Variants in TAB1 observed in about 807,000 individuals in gnomAD.
The protein encoded by TAB1 is TGF-beta-activated kinase 1 and MAP3K7-binding protein 1.
TAB1 carries 30 observed loss-of-function variants against 54.5 expected under a neutral mutation model. The observed-to-expected ratio is 0.55, with a 90% CI of 0.41 to 0.75. The LOEUF is 0.75. Among genes scored for constraint, TAB1 ranks in the 30% least tolerant of loss-of-function variants. The pLI is 0.00. For missense variants in TAB1, 609 were observed against 683.2 expected, an observed-to-expected ratio of 0.89 and a Z score of 1.21; for synonymous variants, 289 against 286.9, an observed-to-expected ratio of 1.01 and a Z score of -0.07.
At chr22:39,419,163 TGAAA>T (rs1926962768) in intron 6 of TAB1, among the ~76,000 whole-genome samples, 1 of 152,236 alleles carries the variant, frequency 6.6e-6, no homozygotes, top group South Asian at 2.1e-4. Flanking sequence ...TGGTGGAGAC[TGAAA>T]GAGGCCAAAG....
chr22:39,427,001 C>A, intron 9 of TAB1, 76 bp downstream of exon 9: 1 of 1,441,432 alleles, frequency 6.9e-7, no homozygotes, highest in South Asian at 1.3e-5. Flanking sequence ...GCCCCCGAGG[C>A]TGCTTGAAAC....
chr22:39,431,719 G>T lies in TAB1; in HGVS notation c.*1497G>T. 1.0e-6 allele frequency: 1 copy of T among 985,478 alleles called. No individual in the cohort carries two copies. The highest frequency in any genetic ancestry group is 1.2e-6 in the Non-Finnish European group (1 of 829,974). 61.0% of individuals were successfully genotyped at this position (985,478 alleles called of 1,614,324 possible). ...CACTCCCCACTTTGAAGCCATCTCT[G>T]TTCTGCAGGTGAGAGGATTTAAAGT... On this transcript the variant is annotated 3_prime_UTR_variant, in exon 11 of 11. Coordinates refer to ENST00000216160, the MANE Select transcript of TAB1 (RefSeq NM_006116.3).
At chr22:39,422,411 T>C (rs1436364368) in intron 8 of TAB1, among the ~76,000 whole-genome samples, 7 of 140,608 alleles carry the variant, frequency 5.0e-5, no homozygotes, top group Admixed American at 2.1e-4. Context: ...TTTTTTTTTT[T>C]TTTTTTTTTT....
At chr22:39,423,805 ACTAAT>A (rs1356891271) in intron 8 of TAB1, among the ~76,000 whole-genome samples, 9 of 152,200 alleles carry the variant, frequency 5.9e-5, no homozygotes, top group African/African-American at 1.9e-4. Context: ...GTACATTGTA[ACTAAT>A]GTATAGTGTT....
At chr22:39,407,837 G>A (rs548131130) in intron 1 of TAB1, among the ~76,000 whole-genome samples, 1 of 152,156 alleles carries the variant, frequency 6.6e-6, no homozygotes, top group East Asian at 1.9e-4. Context: ...AGCCAGGATG[G>A]TCTCAATCTC....
At chr22:39,433,180 G>T (rs35129601), downstream of TAB1, 46 of 985,336 alleles carry the variant, frequency 4.7e-5, 1 homozygote, top group African/African-American at 7.7e-4. Flanking sequence ...GGCCGGGCGC[G>T]GTGGCTCAGG....
chr22:39,405,244 C>T (rs1182194295), intron 1 of TAB1, among the ~76,000 whole-genome samples: 1 of 152,158 alleles, frequency 6.6e-6, no homozygotes, highest in African/African-American at 2.4e-5. Context: ...ACATCATGCA[C>T]AGGGTGTTTG....
At position 39,431,120 on chromosome 22, in the gene TAB1, G is replaced by A; in HGVS notation, c.*898G>A. 1 of 985,966 alleles carries A rather than the reference G, an allele frequency of 1.0e-6. No individual in the cohort carries two copies. 61.1% of individuals were successfully genotyped at this position (985,966 alleles called of 1,614,324 possible). A position where few individuals can be genotyped will look rare whatever the true frequency, so the allele number is the denominator to read the frequency against. ...CGGCTGAGGGTAGCAAGCAGGGGTT[G>A]TGAGTCAGGCTGGGGGACTTGTTTG... is the stretch of plus-strand genomic sequence containing the variant. On this transcript the variant is annotated 3_prime_UTR_variant, in exon 11 of 11. Transcript: ENST00000216160.
intron 1 of TAB1, among the ~76,000 whole-genome samples, chr22:39,402,391 CTA>C (rs1281546320): frequency 1.3e-5 from 2 of 152,094 alleles, no homozygotes; most frequent in African/African-American, 4.8e-5. Flanking sequence ...TACTACAAGT[CTA>C]TGTGTTGAGG....
intron 8 of TAB1, 78 bp downstream of exon 8, chr22:39,422,049 C>G (rs1927114294): frequency 4.6e-6 from 6 of 1,294,750 alleles, no homozygotes; most frequent in Non-Finnish European, 6.1e-6. Context: ...TGCCTTCTAG[C>G]ACTGTGATTC....
At chr22:39,424,813 G>A (rs912819207) in intron 8 of TAB1, among the ~76,000 whole-genome samples, 16 of 152,082 alleles carry the variant, frequency 1.1e-4, no homozygotes, top group Non-Finnish European at 2.1e-4. Flanking sequence ...ATAACATAGA[G>A]GGACAGGGGC....
chr22:39,425,752 T>A (rs781059476), intron 8 of TAB1, among the ~76,000 whole-genome samples: 1 of 151,692 alleles, frequency 6.6e-6, no homozygotes, highest in Non-Finnish European at 1.5e-5. Context: ...TTCACCGTAT[T>A]AGCCAGGATG....
Position 39,426,902 on chromosome 22 carries a change from A to C in TAB1, c.1121A>C (p.Gln374Pro). 6.2e-7 allele frequency: 1 copy of C among 1,612,224 alleles called. No homozygotes were observed. ...NFGYPLGEMSQPTPSPAPAAG... is the reference protein window; with the variant it reads ...NFGYPLGEMSPPTPSPAPAAG... Reference sequence around the variant, plus strand: ...GGCTACCCGCTGGGCGAAATGAGCCAGCCCACACCGAGCCCAGCCCCAGGT... The same window carrying C: ...GGCTACCCGCTGGGCGAAATGAGCCCGCCCACACCGAGCCCAGCCCCAGGT... The change falls in exon 9 of 11, where the codon CAG becomes CCG. Residue 374 changes from glutamine to proline, a missense_variant. Physicochemically the swap from Gln to Pro is moderately conservative, Grantham distance 76. Coordinates refer to ENST00000216160, the MANE Select transcript of TAB1 (RefSeq NM_006116.3).
At chr22:39,420,775 C>CTCTCTGTG (rs1555950643) in intron 7 of TAB1, among the ~76,000 whole-genome samples, 2 of 71,812 alleles carry the variant, frequency 2.8e-5, no homozygotes, top group South Asian at 5.1e-4. Context: ...CACGGTGTCT[C>CTCTCTGTG]TGTGTGTGTG....
downstream of TAB1, chr22:39,437,097 ATATAT>A (rs1481574525): frequency 6.6e-6 from 1 of 152,648 alleles, no homozygotes; most frequent in East Asian, 1.9e-4. Context: ...AGAAAGATAA[ATATAT>A]TAATACATTA....
rs369544981 is a variant in TAB1 at position 39,426,834 on chromosome 22, C to T, written c.1053C>T (p.Phe351=). The change falls in exon 9 of 11, where the codon TTC becomes TTT. Residue 351 remains phenylalanine, a synonymous_variant. Coordinates refer to ENST00000216160, the MANE Select transcript of TAB1 (RefSeq NM_006116.3). The stretch of plus-strand genomic sequence containing the variant: ...CCAGTGGTGGGGAGCGTGCCAGGTT[C>T]TGCCCCCGGCACGAGGACATGACCC... ...TFASGGERAR[F]CPRHEDMTLL... The T allele has an allele frequency of 6.2e-6, 10 of 1,613,672 alleles. No homozygotes were observed. The highest frequency in any genetic ancestry group is 8.5e-6 in the Non-Finnish European group (10 of 1,180,052).
chr22:39,406,253 G>A (rs1177925941), intron 1 of TAB1, among the ~76,000 whole-genome samples: 1 of 152,082 alleles, frequency 6.6e-6, no homozygotes, highest in Non-Finnish European at 1.5e-5. Context: ...CAAAAAATTA[G>A]CCGGGCATGG....
At chr22:39,419,717 G>A (rs553634096) in intron 7 of TAB1, 87 bp downstream of exon 7, 9 of 931,710 alleles carry the variant, frequency 9.7e-6, no homozygotes, top group African/African-American at 8.2e-5. Context: ...GTGCTGGGAG[G>A]TCGAGGCTGC....
At chr22:39,427,758 T>C (rs192112291) in intron 9 of TAB1, among the ~76,000 whole-genome samples, 3 of 152,324 alleles carry the variant, frequency 2.0e-5, no homozygotes, top group Non-Finnish European at 4.4e-5. Context: ...AGTAACCCTT[T>C]CCTTGAGGCA....
Sources: allele counts gnomAD v4.1 joint callset (sites outside exome capture counted in the v4.1 genomes callset), GRCh38; gene constraint gnomAD v4.1.1; transcripts MANE v1.5; gene names NCBI Gene and HGNC (gene_info 2026-07-23, HGNC 2026-07-21).